The following COG3 variants were observed in gnomAD, a reference collection of about 807,000 sequenced individuals.
COG3 encodes conserved oligomeric Golgi complex subunit 3.
A neutral mutation model predicts 114.1 loss-of-function variants in COG3; 32 were observed. The ratio of observed to expected loss-of-function variants is 0.28; its 90% CI spans 0.21 to 0.38. The LOEUF is 0.38. Ranked by LOEUF, COG3 falls within the 10% of genes least tolerant of loss-of-function variation. The pLI is 1.00. For missense variants in COG3, 813 were observed against 973.2 expected, an observed-to-expected ratio of 0.84 and a Z score of 2.19; for synonymous variants, 352 against 365.7, an observed-to-expected ratio of 0.96 and a Z score of 0.43.
At chr13:45,465,354 G>T in intron 1 of COG3, 144 bp downstream of exon 1, 1 of 1,325,106 alleles carries the variant, frequency 7.5e-7, no homozygotes, top group Non-Finnish European at 1.0e-6. Context: ...GGTGGGAGGG[G>T]CCTCATCTCC....
chr13:45,488,047 A>G (rs937527159), intron 8 of COG3, among the ~76,000 whole-genome samples: 2 of 152,258 alleles, frequency 1.3e-5, no homozygotes, highest in African/African-American at 4.8e-5. Context: ...ATTCAGCTGT[A>G]ACAAAAAATG....
intron 20 of COG3, among the ~76,000 whole-genome samples, chr13:45,527,971 A>C (rs922412796): frequency 2.6e-5 from 4 of 152,218 alleles, no homozygotes; most frequent in Admixed American, 1.3e-4. Context: ...GCTGGGCTGC[A>C]TTCCCAGGAG....
chr13:45,515,342 T>C (rs1871431196), intron 16 of COG3, among the ~76,000 whole-genome samples: 1 of 152,230 alleles, frequency 6.6e-6, no homozygotes, highest in African/African-American at 2.4e-5. Context: ...TATTGCTTAC[T>C]GAAAGATAAC....
intron 1 of COG3, 51 bp downstream of exon 1, chr13:45,465,261 T>C: frequency 6.3e-7 from 1 of 1,595,346 alleles, no homozygotes; most frequent in Non-Finnish European, 8.5e-7. Flanking sequence ...GGGATTCTCC[T>C]CGGGCGCCCC....
At chr13:45,516,367 G>A (rs1244803763) in intron 17 of COG3, 104 bp downstream of exon 17, 3 of 957,742 alleles carry the variant, frequency 3.1e-6, no homozygotes, top group Non-Finnish European at 4.3e-6. Context: ...TTTTTTGCAT[G>A]CTTTGCTTGC....
chr13:45,526,167 C>A (rs957409179), intron 20 of COG3, among the ~76,000 whole-genome samples: 1 of 131,816 alleles, frequency 7.6e-6, no homozygotes, highest in Admixed American at 8.9e-5. Flanking sequence ...CGGCTCACTG[C>A]AACCACCTCC....
chr13:45,471,279 G>C (rs1457246278), intron 1 of COG3, among the ~76,000 whole-genome samples: 1 of 152,096 alleles, frequency 6.6e-6, no homozygotes, highest in Non-Finnish European at 1.5e-5. Flanking sequence ...AGTTAGCTGG[G>C]TGTGGTGGTG....
chr13:45,511,663 G>A (rs939893459), intron 15 of COG3, 102 bp from the exon 16 acceptor site: 10 of 823,506 alleles, frequency 1.2e-5, no homozygotes, highest in Non-Finnish European at 2.0e-5. Flanking sequence ...ATCCAACCAT[G>A]AGGGCAAGCA....
rs373281254 is a variant in COG3, at chr13:45,480,171, A to G, written c.430A>G (p.Ile144Val). 1.9e-5 allele frequency: 30 copies of G among 1,613,652 alleles called. No homozygotes were observed. The highest frequency in any genetic ancestry group is 2.4e-5 in the Non-Finnish European group (28 of 1,179,760). The change falls in exon 4 of 23, where the codon ATA (isoleucine) becomes GTA (valine). Residue 144 changes from isoleucine to valine, a missense_variant. Around this residue, in one of 2 missense-constraint regions of COG3, gnomAD observed 424 missense variants for 430.6 expected, o/e 0.98. Transcript: ENST00000349995. ...TGGGTTTCAGGAGCAGTGTGATGCT[A>G]TATTGAATGATGTAAACAGTGCTCT... ...LSGFQEQCDA[I>V]LNDVNSALQH... is the part of the protein sequence containing the mutation.
intron 13 of COG3, among the ~76,000 whole-genome samples, chr13:45,496,822 C>T (rs1161207717): frequency 6.6e-6 from 1 of 151,748 alleles, no homozygotes; most frequent in Non-Finnish European, 1.5e-5. Flanking sequence ...TACAGGCGCC[C>T]GCCACCACAC....
intron 2 of COG3, 41 bp downstream of exon 2, chr13:45,476,388 A>G: frequency 2.5e-6 from 4 of 1,584,348 alleles, no homozygotes; most frequent in Non-Finnish European, 3.5e-6. Context: ...TGATTATTTC[A>G]GATGTCTGAA....
At chr13:45,481,831 G>A (rs1222912468) in intron 5 of COG3, among the ~76,000 whole-genome samples, 1 of 147,220 alleles carries the variant, frequency 6.8e-6, no homozygotes, top group Non-Finnish European at 1.5e-5. Context: ...TTAATCATAG[G>A]TATTTAGTTT....
intron 6 of COG3, among the ~76,000 whole-genome samples, 200 bp from the exon 7 acceptor site, chr13:45,483,030 C>G (rs763220452): frequency 2.0e-5 from 3 of 152,232 alleles, no homozygotes; most frequent in Admixed American, 6.5e-5. Context: ...GGAGCTCCTA[C>G]TTTGTGCCAG....
chr13:45,517,712 T>C (rs1472287365), intron 17 of COG3, among the ~76,000 whole-genome samples: 2 of 152,192 alleles, frequency 1.3e-5, no homozygotes, highest in Admixed American at 1.3e-4. Flanking sequence ...GGAATCATGC[T>C]CTTACACCTT....
chr13:45,497,254 A>G (rs371261587), intron 13 of COG3, among the ~76,000 whole-genome samples: 1 of 152,172 alleles, frequency 6.6e-6, no homozygotes, highest in South Asian at 2.1e-4. Flanking sequence ...TCAGTTCCAT[A>G]TATGTCTTCA....
Position 45,521,577 on chromosome 13 carries a change from G to GCACACACACA in COG3, c.2154+2499_2154+2508dup, listed in dbSNP as rs3084002. 9.2e-3 allele frequency among the ~76,000 whole-genome samples: 1,368 copies of GCACACACACA among 148,468 alleles called. 13 individuals carry two copies. Among genetic ancestry groups the GCACACACACA allele is most frequent in the South Asian group, 0.025 (116 of 4,686 alleles). On this transcript the variant is annotated intron_variant, in intron 19 of 22. Coordinates refer to ENST00000349995, the MANE Select transcript of COG3 (RefSeq NM_031431.4). ...GAGTCAGAGACAAAGATACATACGT[G>GCACACACACA]CACACACACACACACACACACACAC...
intron 22 of COG3, among the ~76,000 whole-genome samples, chr13:45,531,462 G>A (rs1356649672): frequency 6.6e-6 from 1 of 152,074 alleles, no homozygotes; most frequent in African/African-American, 2.4e-5. Context: ...GTAGAAACTG[G>A]GTGAATAGGA....
chr13:45,499,256 T>C (rs1869199114), intron 13 of COG3, among the ~76,000 whole-genome samples: 1 of 152,158 alleles, frequency 6.6e-6, no homozygotes, highest in African/African-American at 2.4e-5. Flanking sequence ...TATTTACTCA[T>C]TTGCTTCAAG....
Position 45,490,945 on chromosome 13 carries a change from GA to G in COG3, c.961del (p.Ile321TyrfsTer8). On this transcript the variant is annotated frameshift_variant, in exon 9 of 23. Transcript: ENST00000349995. LOFTEE classifies it high-confidence loss of function. Reference sequence around the variant, plus strand: ...TATTGAACAAATAGAACTGCGGTCTGAAAAAATACCTGAGTGAGTACCTAGA... The same window carrying G: ...TATTGAACAAATAGAACTGCGGTCTGAAAAATACCTGAGTGAGTACCTAGA... ...TLIEQIELRS[E>X]KIPEYQQLLN... The G allele has an allele frequency of 6.3e-7, 1 of 1,599,160 alleles. No individual in the cohort carries two copies. Among genetic ancestry groups the G allele is most frequent in the Admixed American group, 1.7e-5 (1 of 58,762 alleles).
Sources: gnomAD v4.1 joint callset for allele counts (sites outside exome capture counted in the v4.1 genomes callset) on GRCh38, gnomAD v4.1.1 for gene constraint, gnomAD v4.1.1 regional missense constraint, MANE v1.5 for transcripts, NCBI Gene and HGNC (gene_info 2026-07-23, HGNC 2026-07-21) for gene names.